Variants in DAB1 observed in about 807,000 individuals in gnomAD.
DAB1 encodes DAB adaptor protein 1, also known as disabled homolog 1.
Under a neutral mutation model 64.6 loss-of-function variants are expected in DAB1, and 15 were observed. The observed-to-expected ratio is 0.23, with a 90% CI of 0.16 to 0.36. DAB1 has a LOEUF of 0.36. Among genes scored for constraint, DAB1 ranks in the 10% least tolerant of loss-of-function variants. DAB1 has a pLI of 1.00. For missense variants in DAB1, 596 were observed against 706.7 expected (o/e 0.84, Z 1.78); for synonymous variants, 235 against 251.9 (o/e 0.93, Z 0.64).
At chr1:58,390,068 T>C (rs111921402) in intron 3 of DAB1, among the ~76,000 whole-genome samples, 27 of 152,226 alleles carry the variant, frequency 1.8e-4, no homozygotes, top group Non-Finnish European at 3.4e-4. Context: ...ACTTTGCCTC[T>C]AACACAGCTC....
At chr1:57,595,639 C>G (rs912139985) in intron 7 of DAB1, among the ~76,000 whole-genome samples, 2 of 151,972 alleles carry the variant, frequency 1.3e-5, no homozygotes, top group African/African-American at 4.8e-5. Context: ...CCCCCCACCC[C>G]CCAAATCCCA....
intron 2 of DAB1, among the ~76,000 whole-genome samples, chr1:57,150,301 T>C (rs943922784): frequency 2.0e-5 from 3 of 152,220 alleles, no homozygotes; most frequent in Admixed American, 2.0e-4. Flanking sequence ...ATACTTTCAG[T>C]TTGTCTGCGA....
rs1305731513 is a variant in DAB1, at chr1:56,998,932, T to C, written c.*16-804A>G. On this transcript the variant is annotated intron_variant, in intron 14 of 14. Coordinates refer to ENST00000371236, the MANE Select transcript of DAB1 (RefSeq NM_001365792.1). ...CTTCAGCTGATGTTGAGATGGCTCA[T>C]TGTGCCTTGGCCAAGCAGATTTGAT... 3.9e-5 allele frequency among the ~76,000 whole-genome samples: 6 copies of C among 152,160 alleles called. No homozygotes were observed. The South Asian group carries it at 6.2e-4, about 16-fold the overall frequency.
chr1:58,043,099 T>C (rs1647163333), intron 5 of DAB1, among the ~76,000 whole-genome samples: 1 of 152,162 alleles, frequency 6.6e-6, no homozygotes, highest in Non-Finnish European at 1.5e-5. Flanking sequence ...CCAGAAGGAA[T>C]GAATCACCAA....
chr1:57,157,187 A>G (rs939263098), intron 2 of DAB1, among the ~76,000 whole-genome samples: 2 of 152,300 alleles, frequency 1.3e-5, no homozygotes, highest in South Asian at 4.2e-4. Context: ...AGATTATAAT[A>G]AGCACAGCCA....
chr1:57,880,317 G>C (rs981393359), intron 1 of DAB1: 2 of 152,138 alleles, frequency 1.3e-5, no homozygotes, highest in African/African-American at 4.8e-5. Flanking sequence ...GACAGTCTGG[G>C]AATGCAATTA....
intron 2 of DAB1, among the ~76,000 whole-genome samples, chr1:57,182,704 T>C (rs929757937): frequency 2.6e-5 from 4 of 152,096 alleles, no homozygotes; most frequent in Admixed American, 6.5e-5. Context: ...GGAAAGGTGT[T>C]CTGGAGGCAG....
At chr1:58,175,371 C>T (rs765327963) in intron 4 of DAB1, among the ~76,000 whole-genome samples, 2 of 152,166 alleles carry the variant, frequency 1.3e-5, no homozygotes, top group Admixed American at 6.6e-5. Flanking sequence ...GAACAAACTC[C>T]GGACACACCA....
chr1:58,282,891 G>A (rs539467714), intron 4 of DAB1, among the ~76,000 whole-genome samples: 4 of 152,242 alleles, frequency 2.6e-5, no homozygotes, highest in South Asian at 2.1e-4. Context: ...GACTAAAAGC[G>A]ATCCTTCCAT....
At chr1:57,875,414 T>C (rs978576385) in intron 1 of DAB1, among the ~76,000 whole-genome samples, 2 of 152,196 alleles carry the variant, frequency 1.3e-5, no homozygotes, top group Non-Finnish European at 2.9e-5. Flanking sequence ...TCAAGGGCCA[T>C]CTCATTCATT....
intron 9 of DAB1, among the ~76,000 whole-genome samples, chr1:57,049,898 A>C (rs1156849716): frequency 1.3e-5 from 2 of 152,162 alleles, no homozygotes; most frequent in Non-Finnish European, 2.9e-5. Context: ...GTTCTCTCCC[A>C]GCTCTCTTCT....
intron 7 of DAB1, among the ~76,000 whole-genome samples, chr1:57,444,560 A>C (rs1166150594): frequency 6.6e-6 from 1 of 152,242 alleles, no homozygotes; most frequent in African/African-American, 2.4e-5. Flanking sequence ...AATCTAATTA[A>C]GTTAGGATCA....
intron 2 of DAB1, among the ~76,000 whole-genome samples, chr1:57,267,202 C>A (rs1670651013): frequency 6.6e-6 from 1 of 151,812 alleles, no homozygotes; most frequent in Non-Finnish European, 1.5e-5. Context: ...GAGATGCAAC[C>A]ACCAGCCAAG....
chr1:57,400,117 C>G (rs1456502375), intron 1 of DAB1, among the ~76,000 whole-genome samples: 2 of 152,188 alleles, frequency 1.3e-5, no homozygotes, highest in Admixed American at 1.3e-4. Flanking sequence ...ATCACTACTA[C>G]TTGGCAACGC....
chr1:57,185,323 C>T (rs1286788024), intron 2 of DAB1, among the ~76,000 whole-genome samples: 2 of 152,110 alleles, frequency 1.3e-5, no homozygotes, highest in African/African-American at 2.4e-5. Flanking sequence ...GGCCTGAAGA[C>T]CAGTTACAAC....
In DAB1 at chr1:57,491,738, C is replaced by T. The variant is rs1278327137; in HGVS notation, n.625+157854G>A. On this transcript the variant is annotated intron_variant and non_coding_transcript_variant, in intron 7 of 20. Coordinates refer to the DAB1 transcript ENST00000485760. ...GTTTCCATTAGTAGAATGAGAAGAG[C>T]GGCCTCTATAGAAGCAGAGGAGAGG... Among the ~76,000 whole-genome samples, 3 of 152,132 alleles carry T rather than the reference C, an allele frequency of 2.0e-5. No individual in the cohort carries two copies. In the East Asian group the frequency reaches 5.8e-4, roughly 29 times the overall value.
intron 3 of DAB1, among the ~76,000 whole-genome samples, chr1:58,423,549 G>A (rs894259252): frequency 2.6e-5 from 4 of 152,222 alleles, no homozygotes; most frequent in Non-Finnish European, 5.9e-5. Flanking sequence ...CCTCCAAGCA[G>A]AGCAGCACCA....
At chr1:57,749,572 G>A (rs2101801686) in intron 6 of DAB1, among the ~76,000 whole-genome samples, 1 of 152,280 alleles carries the variant, frequency 6.6e-6, no homozygotes, top group South Asian at 2.1e-4. Flanking sequence ...CGCAGGGCAT[G>A]TGCTTTCCAG....
intron 5 of DAB1, among the ~76,000 whole-genome samples, chr1:57,956,515 T>C (rs766179104): frequency 1.3e-5 from 2 of 152,216 alleles, no homozygotes; most frequent in East Asian, 3.8e-4. Context: ...AGGCCACTTA[T>C]GTATTTCATA....
Sources: gnomAD v4.1 joint callset for allele counts (sites outside exome capture counted in the v4.1 genomes callset) on GRCh38, gnomAD v4.1.1 for gene constraint, MANE v1.5 for transcripts, NCBI Gene and HGNC (gene_info 2026-07-23, HGNC 2026-07-21) for gene names.